Variants in RBM26 observed in about 807,000 individuals in gnomAD.
The protein encoded by RBM26 is RNA-binding protein 26.
Under a neutral mutation model 123.6 loss-of-function variants are expected in RBM26, and 30 were observed. The ratio of observed to expected loss-of-function variants is 0.24; its 90% CI spans 0.18 to 0.33. The LOEUF is 0.33. Among genes scored for constraint, RBM26 ranks in the 10% least tolerant of loss-of-function variants. The probability of loss-of-function intolerance (pLI) is 1.00; values close to 1 mark genes in which losing one functional copy is unlikely to be tolerated. For synonymous variants in RBM26, 400 were observed against 404.4 expected, an observed-to-expected ratio of 0.99 and a Z score of 0.13; for missense variants, 947 against 1,203.6, an observed-to-expected ratio of 0.79 and a Z score of 3.15.
chr13:79,355,234 T>A lies in RBM26; in HGVS notation c.1840A>T (p.Thr614Ser). 1 of 1,613,786 alleles carries A rather than the reference T, an allele frequency of 6.2e-7. No homozygotes were observed. The highest frequency in any genetic ancestry group is 8.5e-7 in the Non-Finnish European group (1 of 1,179,788). Reference protein sequence around the residue: ...HREGSTQQLQTTSPKVMQPLV... With the variant: ...HREGSTQQLQSTSPKVMQPLV... ...TCCTCTCTTACCTTTGGAGAAGTAG[T>A]TTGTAACTGTTGGGTGCTTCCTTCT... Residue 614 changes from threonine (T) to serine (S), a missense_variant, in exon 12 of 22, where the codon ACT becomes TCT. Physicochemically the swap from Thr to Ser is moderately conservative, Grantham distance 58. Around this residue, in one of 5 missense-constraint regions of RBM26, gnomAD observed 493 missense variants for 563.1 expected, o/e 0.88. Coordinates refer to ENST00000438737, the MANE Select transcript of RBM26 (RefSeq NM_001366735.2).
chr13:79,391,982 T>C (rs1299010253), intron 1 of RBM26, among the ~76,000 whole-genome samples: 1 of 131,554 alleles, frequency 7.6e-6, no homozygotes, highest in Non-Finnish European at 1.5e-5. Flanking sequence ...TAATTATATA[T>C]TATGCAATAC....
In RBM26 at chr13:79,342,771, T is replaced by A. The variant is rs2071629972; in HGVS notation, c.2320A>T (p.Met774Leu). 6.2e-7 allele frequency: 1 copy of A among 1,609,810 alleles called. No individual in the cohort carries two copies. Among genetic ancestry groups the A allele is most frequent in the East Asian group, 2.2e-5 (1 of 44,746 alleles). The change falls in exon 17 of 22, where the codon ATG (methionine) becomes TTG (leucine). Residue 774 changes from methionine (M) to leucine (L), a missense_variant. Physicochemically the swap from Met to Leu is conservative, Grantham distance 15 (BLOSUM62 2). Around this residue, in one of 5 missense-constraint regions of RBM26, gnomAD observed 493 missense variants for 563.1 expected, o/e 0.88. Coordinates refer to ENST00000438737, the MANE Select transcript of RBM26 (RefSeq NM_001366735.2). ...TMKSEDKAEI[M>L]KTLEVLTKNI... ...TTTGTCAAAACCTCTAAAGTTTTCA[T>A]TATTTCTGCTTTATCTTCAGACTTC...
At chr13:79,379,800 C>T (rs2076936800) in intron 1 of RBM26, among the ~76,000 whole-genome samples, 1 of 150,328 alleles carries the variant, frequency 6.7e-6, no homozygotes, top group African/African-American at 2.4e-5. Flanking sequence ...GTGTTTTTAC[C>T]GAGACTAACA....
chr13:79,370,248 G>A (rs913827907), intron 5 of RBM26, among the ~76,000 whole-genome samples: 13 of 152,244 alleles, frequency 8.5e-5, no homozygotes, highest in Admixed American at 5.2e-4. Flanking sequence ...CTCAGGAGGC[G>A]GAGGTTGCAA....
chr13:79,325,204 T>C (rs988236669), intron 20 of RBM26, among the ~76,000 whole-genome samples: 1 of 152,154 alleles, frequency 6.6e-6, no homozygotes, highest in South Asian at 2.1e-4. Context: ...AGTTTACATA[T>C]TTACTATACT....
chr13:79,372,567 A>G (rs1431405841), intron 3 of RBM26, among the ~76,000 whole-genome samples: 1 of 150,462 alleles, frequency 6.6e-6, no homozygotes, highest in African/African-American at 2.4e-5. Context: ...TCCTCTTTCA[A>G]AAGTCTAACA....
chr13:79,397,135 T>C (rs1013315462), intron 1 of RBM26, among the ~76,000 whole-genome samples: 5 of 151,686 alleles, frequency 3.3e-5, no homozygotes, highest in African/African-American at 1.2e-4. Flanking sequence ...GAGTCGAGAT[T>C]GCACCACTGC....
chr13:79,389,394 CAG>C (rs1242866191), intron 1 of RBM26: 1 of 151,864 alleles, frequency 6.6e-6, no homozygotes, highest in African/African-American at 2.4e-5. Context: ...ATGTTCATTG[CAG>C]AGTTATTTAA....
At chr13:79,363,604 A>G (rs562160449) in intron 9 of RBM26, among the ~76,000 whole-genome samples, 2 of 152,200 alleles carry the variant, frequency 1.3e-5, no homozygotes, top group South Asian at 2.1e-4. Context: ...TCTATGAGAA[A>G]AAGCATTCAA....
Position 79,337,199 on chromosome 13 carries a change from C to T in RBM26, c.2636G>A (p.Gly879Asp). 1 of 1,614,046 alleles carries T rather than the reference C, an allele frequency of 6.2e-7. No individual in the cohort carries two copies. The highest frequency in any genetic ancestry group is 1.7e-5 in the Admixed American group (1 of 60,002). ...GRGRGRGRGR[G>D]VPGHAVVDHR... ...ATCCACCACAGCATGACCAGGCACA[C>T]CTCGCCCTCGCCCTCGCCCCCTGCC... The change falls in exon 19 of 22, where the codon GGT becomes GAT. Residue 879 changes from glycine (G) to aspartate (D), a missense_variant. By Grantham distance (94) the Gly-to-Asp change is moderately conservative. Coordinates refer to ENST00000438737, the MANE Select transcript of RBM26 (RefSeq NM_001366735.2).
rs1388567677 is a variant in RBM26, at chr13:79,341,135, T to C, written c.2520A>G (p.Glu840=). 2 of 1,598,728 alleles carry C rather than the reference T, an allele frequency of 1.3e-6. No individual in the cohort carries two copies. Among genetic ancestry groups the C allele is most frequent in the African/African-American group, 2.7e-5 (2 of 74,570 alleles). The change falls in exon 18 of 22, where the codon GAA becomes GAG. Residue 840 remains glutamate, a synonymous_variant. Transcript: ENST00000438737. The part of the protein sequence containing the change: ...EVTELRRKYT[E]LQLEAAKRGI... The stretch of plus-strand genomic sequence containing the variant: ...TGATTAAACATACTTCCAGCTGTAA[T>C]TCTGTATACTTTCTCCTAAGTTCAG...
intron 5 of RBM26, among the ~76,000 whole-genome samples, chr13:79,370,712 A>C (rs549311093): frequency 8.3e-4 from 127 of 152,354 alleles, no homozygotes; most frequent in Non-Finnish European, 9.3e-4. Flanking sequence ...CCAACATGGA[A>C]TAGAATCAGT....
At position 79,318,976 on chromosome 13, in the gene RBM26, ATAAG is replaced by A. The variant is rs2067394968; in HGVS notation, c.*1641_*1644del. On this transcript the variant is annotated 3_prime_UTR_variant, in exon 22 of 22. Coordinates refer to ENST00000438737, the MANE Select transcript of RBM26 (RefSeq NM_001366735.2). ...AAAAATAGATCTTTGATTTAAATAT[ATAAG>A]TAAAAATAGTGACTTTTTGAGCAAA... 1.0e-6 allele frequency: 1 copy of A among 970,180 alleles called. No individual in the cohort carries two copies. The allele number at this position is 970,180 out of a possible 1,614,324, so 60.1% of individuals were successfully genotyped here.
chr13:79,402,853 T>A (rs2079167296), intron 1 of RBM26, among the ~76,000 whole-genome samples: 1 of 65,958 alleles, frequency 1.5e-5, no homozygotes, highest in Admixed American at 2.1e-4. Flanking sequence ...AGTCATTTCA[T>A]GTCTTGTTAC....
chr13:79,344,416 TCAA>T lies in RBM26; in HGVS notation c.2185-97_2185-95del. ...AAATAGTTGTAACTGCAGAAGTCTGTCAACAAAAATTATATGCAAGGCTTTTCT... is the reference window on the plus strand; with the variant it reads ...AAATAGTTGTAACTGCAGAAGTCTGTCAAAAATTATATGCAAGGCTTTTCT... On this transcript the variant is annotated intron_variant, in intron 15 of 21. Coordinates refer to ENST00000438737, the MANE Select transcript of RBM26 (RefSeq NM_001366735.2). 3 of 1,009,258 alleles carry T rather than the reference TCAA, an allele frequency of 3.0e-6. No homozygotes were observed. In the South Asian group the frequency reaches 4.2e-5, roughly 14 times the overall value. The allele number at this position is 1,009,258 out of a possible 1,614,324, so 62.5% of individuals were successfully genotyped here. A position where few individuals can be genotyped will look rare whatever the true frequency, so the allele number is the denominator to read the frequency against.
intron 1 of RBM26, among the ~76,000 whole-genome samples, chr13:79,401,942 C>A (rs528558945): frequency 1.3e-5 from 2 of 151,718 alleles, no homozygotes; most frequent in East Asian, 1.9e-4. Context: ...CACAAAACCT[C>A]AGTACGTCAT....
intron 3 of RBM26, among the ~76,000 whole-genome samples, chr13:79,374,853 A>ATTAT (rs2076497229): frequency 6.6e-6 from 1 of 151,874 alleles, no homozygotes; most frequent in Non-Finnish European, 1.5e-5. Context: ...ATCAGGGATA[A>ATTAT]GTATCTCCCA....
At chr13:79,358,121 G>T (rs1231918087) in intron 11 of RBM26, among the ~76,000 whole-genome samples, 153 bp downstream of exon 11, 1 of 152,152 alleles carries the variant, frequency 6.6e-6, no homozygotes, top group Non-Finnish European at 1.5e-5. Flanking sequence ...CACCTCAGGT[G>T]ATCCGCCCGC....
intron 1 of RBM26, among the ~76,000 whole-genome samples, chr13:79,393,703 C>T (rs914635945): frequency 1.3e-5 from 2 of 152,168 alleles, no homozygotes; most frequent in South Asian, 2.1e-4. Flanking sequence ...CTCCTCCCCC[C>T]GTATGACCAC....
Sources: allele counts gnomAD v4.1 joint callset (sites outside exome capture counted in the v4.1 genomes callset), GRCh38; gene constraint gnomAD v4.1.1; regional missense constraint gnomAD v4.1.1; transcripts MANE v1.5; gene names NCBI Gene and HGNC (gene_info 2026-07-23, HGNC 2026-07-21).